Variants in CREB3L2 observed in about 807,000 individuals in gnomAD.
The protein encoded by CREB3L2 is cAMP responsive element binding protein 3 like 2.
Under a neutral mutation model 57.2 loss-of-function variants are expected in CREB3L2, and 23 were observed. That is an observed-to-expected ratio of 0.40 (90% confidence interval 0.29 to 0.57). CREB3L2 has a LOEUF of 0.57. CREB3L2 is among the 20% of genes least tolerant of loss of function. The pLI, the probability that CREB3L2 is intolerant of heterozygous loss-of-function variation, is 0.42. For missense variants in CREB3L2, 628 were observed against 634.7 expected (o/e 0.99, Z 0.11); for synonymous variants, 268 against 265.1 (o/e 1.01, Z -0.11).
chr7:137,991,310 C>A lies in CREB3L2; in HGVS notation c.102+10294G>T, dbSNP rs373024539. Among the ~76,000 whole-genome samples, 65 of 151,624 alleles carry A rather than the reference C, an allele frequency of 4.3e-4. 1 individual carries two copies. In the East Asian group the frequency reaches 0.012, roughly 27 times the overall value. ...TCCCGAGTAGCTGGGACTACAGGCA[C>A]CCACCACCACACCTGGCTAATTTTT... is the stretch of plus-strand genomic sequence containing the variant. On this transcript the variant is annotated intron_variant, in intron 1 of 11. Transcript: ENST00000330387.
intron 1 of CREB3L2, among the ~76,000 whole-genome samples, chr7:137,978,239 T>C (rs1801642748): frequency 6.6e-6 from 1 of 152,214 alleles, no homozygotes; most frequent in Non-Finnish European, 1.5e-5. Context: ...TATACAGAGA[T>C]AACTCTCTAT....
chr7:137,885,138 G>C lies in CREB3L2; in HGVS notation c.1144-17C>G. 1 of 1,613,518 alleles carries C rather than the reference G, an allele frequency of 6.2e-7. No individual in the cohort carries two copies. Among genetic ancestry groups the C allele is most frequent in the Non-Finnish European group, 8.5e-7 (1 of 1,179,736 alleles). ...CACCACAACCTGTGGGAGAGAAAGA[G>C]GGGAGAGAGAACACGAGGGGCTGTG... On this transcript the variant is annotated splice_polypyrimidine_tract_variant and intron_variant, in intron 9 of 11. Coordinates refer to ENST00000330387, the MANE Select transcript of CREB3L2 (RefSeq NM_194071.4).
At chr7:137,960,279 T>C (rs1234598324) in intron 1 of CREB3L2, among the ~76,000 whole-genome samples, 1 of 152,196 alleles carries the variant, frequency 6.6e-6, no homozygotes, top group Non-Finnish European at 1.5e-5. Flanking sequence ...TTTTCCATTA[T>C]CTAACACTGC....
At chr7:137,912,131 C>A (rs1254784787) in intron 4 of CREB3L2, among the ~76,000 whole-genome samples, 1 of 152,162 alleles carries the variant, frequency 6.6e-6, no homozygotes, top group Non-Finnish European at 1.5e-5. Context: ...AATCCCAGGA[C>A]TTCAGGAGGC....
intron 1 of CREB3L2, among the ~76,000 whole-genome samples, chr7:137,976,625 T>C (rs887352773): frequency 6.6e-6 from 1 of 152,196 alleles, no homozygotes; most frequent in Non-Finnish European, 1.5e-5. Context: ...CCCACTTTAT[T>C]TTTTATGCAT....
At chr7:137,912,462 T>C (rs1043241131) in intron 4 of CREB3L2, among the ~76,000 whole-genome samples, 1 of 151,948 alleles carries the variant, frequency 6.6e-6, no homozygotes, top group African/African-American at 2.4e-5. Context: ...AGATGCACAA[T>C]TGTGAACCAT....
At chr7:137,987,908 C>G (rs1465686261) in intron 1 of CREB3L2, among the ~76,000 whole-genome samples, 2 of 152,208 alleles carry the variant, frequency 1.3e-5, no homozygotes, top group Non-Finnish European at 2.9e-5. Flanking sequence ...CATTTTCTTA[C>G]TGACATAATG....
intron 5 of CREB3L2, 149 bp downstream of exon 5, chr7:137,908,103 T>C (rs1585613269): frequency 2.1e-6 from 1 of 483,356 alleles, no homozygotes; most frequent in East Asian, 3.5e-5. Flanking sequence ...TTCTTTAGGG[T>C]TGACATCACT....
intron 2 of CREB3L2, among the ~76,000 whole-genome samples, chr7:137,927,261 C>CGGAAAGGAAAGGAAAGGAAA (rs71177929): frequency 8.7e-6 from 1 of 114,734 alleles, no homozygotes; most frequent in African/African-American, 3.2e-5. Context: ...CGGAACAGAA[C>CGGAAAGGAAAGGAAAGGAAA]GGAAAGGAAA....
chr7:137,970,951 G>A (rs1191186109), intron 1 of CREB3L2, among the ~76,000 whole-genome samples: 3 of 152,088 alleles, frequency 2.0e-5, no homozygotes, highest in East Asian at 3.9e-4. Flanking sequence ...TTTATAGCTG[G>A]GTGCCTCAGT....
intron 1 of CREB3L2, among the ~76,000 whole-genome samples, chr7:137,991,454 G>A (rs1242338904): frequency 6.6e-6 from 1 of 151,736 alleles, no homozygotes; most frequent in African/African-American, 2.4e-5. Flanking sequence ...GTGAGCCACC[G>A]CGCCTGGCCT....
At chr7:137,940,730 C>A (rs1337275932) in intron 1 of CREB3L2, among the ~76,000 whole-genome samples, 2 of 152,068 alleles carry the variant, frequency 1.3e-5, no homozygotes, top group Non-Finnish European at 2.9e-5. Flanking sequence ...CACTAACGGG[C>A]GATGAAGTTT....
chr7:137,878,130 AGAGT>A lies in CREB3L2; in HGVS notation c.*2342_*2345del. The A allele has an allele frequency of 4.3e-6, 1 of 230,896 alleles. No individual in the cohort carries two copies. The highest frequency in any genetic ancestry group is 8.6e-6 in the Non-Finnish European group (1 of 116,662). 14.3% of individuals were successfully genotyped at this position (230,896 alleles called of 1,614,324 possible). On this transcript the variant is annotated 3_prime_UTR_variant, in exon 12 of 12. Coordinates refer to ENST00000330387, the MANE Select transcript of CREB3L2 (RefSeq NM_194071.4). Reference sequence around the variant, plus strand: ...AGTCCTGCTGTTTGGAGGTCGAGAGAGAGTGACGTCAAGCAAGCGTAGTAAGGGA... The same window carrying A: ...AGTCCTGCTGTTTGGAGGTCGAGAGAGACGTCAAGCAAGCGTAGTAAGGGA...
At chr7:137,967,096 C>G (rs2070294207) in intron 1 of CREB3L2, among the ~76,000 whole-genome samples, 1 of 152,228 alleles carries the variant, frequency 6.6e-6, no homozygotes, top group Non-Finnish European at 1.5e-5. Flanking sequence ...CTCCCTTCCT[C>G]TCCTTCCCAC....
chr7:137,891,351 T>C (rs1380377422), intron 8 of CREB3L2, among the ~76,000 whole-genome samples: 1 of 152,244 alleles, frequency 6.6e-6, no homozygotes, highest in Non-Finnish European at 1.5e-5. Context: ...ATCAACAGTC[T>C]CATGTTTTCT....
intron 4 of CREB3L2, among the ~76,000 whole-genome samples, chr7:137,909,416 TGA>T (rs1239455487): frequency 1.3e-5 from 2 of 152,192 alleles, no homozygotes; most frequent in African/African-American, 4.8e-5. Flanking sequence ...GGCTTCCACG[TGA>T]ATGAAAGCAC....
At chr7:137,909,764 T>C (rs1381576076) in intron 4 of CREB3L2, among the ~76,000 whole-genome samples, 6 of 152,160 alleles carry the variant, frequency 3.9e-5, no homozygotes, top group Non-Finnish European at 1.5e-5. Flanking sequence ...CTGCCTGATA[T>C]GGTTTGGCTG....
In CREB3L2 at chr7:137,880,770, A is replaced by G. The variant is rs1799277167; in HGVS notation, c.1488-219T>C. On this transcript the variant is annotated intron_variant, in intron 11 of 11. Coordinates refer to ENST00000330387, the MANE Select transcript of CREB3L2 (RefSeq NM_194071.4). The surrounding 1 kb of genome is among the most constrained non-coding windows in gnomAD (Gnocchi z 4.0). ...CACATTCCTACCTTTATCTACACCC[A>G]AGGCATCCCAACCCTACTAAGGATA... Among the ~76,000 whole-genome samples, 1 of 152,134 alleles carries G rather than the reference A, an allele frequency of 6.6e-6. No individual in the cohort carries two copies. Among genetic ancestry groups the G allele is most frequent in the Non-Finnish European group, 1.5e-5 (1 of 68,028 alleles).
intron 2 of CREB3L2, among the ~76,000 whole-genome samples, chr7:137,916,355 T>C (rs1284786632): frequency 6.6e-6 from 1 of 152,144 alleles, no homozygotes; most frequent in African/African-American, 2.4e-5. Flanking sequence ...CTACTCTTTT[T>C]GGTTGTCAAA....
Sources: gnomAD v4.1 joint callset for allele counts (sites outside exome capture counted in the v4.1 genomes callset) on GRCh38, gnomAD v4.1.1 for gene constraint, Gnocchi (gnomAD v3.1) non-coding constraint, MANE v1.5 for transcripts, NCBI Gene and HGNC (gene_info 2026-07-23, HGNC 2026-07-21) for gene names.